NR5A2: variants seen among roughly 807,000 people sequenced by gnomAD.
NR5A2 encodes the protein nuclear receptor subfamily 5 group A member 2, also known as CYP7A promoter-binding factor.
A neutral mutation model predicts 62.7 loss-of-function variants in NR5A2; 26 were observed. That is an observed-to-expected ratio of 0.41 (90% CI 0.30 to 0.58). The LOEUF is 0.58. NR5A2 is among the 20% of genes least tolerant of loss of function. The probability of loss-of-function intolerance (pLI) is 0.22; values close to 1 mark genes in which losing one functional copy is unlikely to be tolerated. For missense variants in NR5A2, 541 were observed against 669.1 expected, an observed-to-expected ratio of 0.81 and a Z score of 2.11; for synonymous variants, 246 against 241.7, an observed-to-expected ratio of 1.02 and a Z score of -0.16.
At chr1:200,161,832 G>T (rs1032579654) in intron 7 of NR5A2, among the ~76,000 whole-genome samples, 1 of 152,148 alleles carries the variant, frequency 6.6e-6, no homozygotes. Flanking sequence ...GTATTCATGG[G>T]CACTGAATAC....
chr1:200,145,468 TTG>T (rs66885184), intron 7 of NR5A2, among the ~76,000 whole-genome samples: 14,970 of 141,868 alleles, frequency 0.11, 758 homozygotes, highest in Middle Eastern at 0.16. Context: ...TTGATAGAAT[TTG>T]TGTGTGTGTG....
At chr1:200,133,411 T>C (rs899407551) in intron 7 of NR5A2, among the ~76,000 whole-genome samples, 1 of 151,792 alleles carries the variant, frequency 6.6e-6, no homozygotes, top group African/African-American at 2.4e-5. Flanking sequence ...TGGGCAATTC[T>C]GCCTAATCCC....
Position 200,147,578 on chromosome 1 carries a change from C to G in NR5A2, c.1379-26385C>G. On this transcript the variant is annotated intron_variant, in intron 7 of 7. Transcript: ENST00000367362. This position sits in a 1 kb window ranked among gnomAD's most constrained non-coding sequence, Gnocchi z 4.9. Reference sequence around the variant, plus strand: ...ATTGGTGTGCTTAAAGCGATCTCCTCTACACGAACGCTAGGGCAGAGCACA... The same window carrying G: ...ATTGGTGTGCTTAAAGCGATCTCCTGTACACGAACGCTAGGGCAGAGCACA... 1.4e-6 allele frequency: 1 copy of G among 710,642 alleles called. No individual in the cohort carries two copies. The highest frequency in any genetic ancestry group is 2.6e-6 in the Non-Finnish European group (1 of 382,142). The allele number at this position is 710,642 out of a possible 1,614,324, so 44.0% of individuals were successfully genotyped here. A position where few individuals can be genotyped will look rare whatever the true frequency, so the allele number is the denominator to read the frequency against.
chr1:200,091,577 C>A (rs1357314829), intron 5 of NR5A2, among the ~76,000 whole-genome samples: 2 of 151,606 alleles, frequency 1.3e-5, no homozygotes, highest in African/African-American at 4.9e-5. Context: ...CTCTACCTCC[C>A]AGGTTCAAGC....
intron 7 of NR5A2, among the ~76,000 whole-genome samples, chr1:200,162,502 T>C (rs1653686118): frequency 6.6e-6 from 1 of 152,110 alleles, no homozygotes; most frequent in Admixed American, 6.5e-5. Context: ...GGGGTGCCAT[T>C]GAATGATTTT....
intron 5 of NR5A2, among the ~76,000 whole-genome samples, chr1:200,097,539 T>A (rs960037562): frequency 3.3e-5 from 5 of 152,264 alleles, no homozygotes; most frequent in Non-Finnish European, 7.3e-5. Flanking sequence ...TCAGGATGGC[T>A]GTGCTATGCA....
chr1:200,090,693 C>T (rs1338096323), intron 5 of NR5A2, among the ~76,000 whole-genome samples: 1 of 152,096 alleles, frequency 6.6e-6, no homozygotes, highest in Non-Finnish European at 1.5e-5. Flanking sequence ...GAACAAAAAC[C>T]CTTCTCAGTG....
intron 5 of NR5A2, among the ~76,000 whole-genome samples, chr1:200,050,210 T>C (rs1048152553): frequency 6.6e-6 from 1 of 152,198 alleles, no homozygotes; most frequent in Non-Finnish European, 1.5e-5. Context: ...AAACAAACCA[T>C]GCAAACACTT....
intron 5 of NR5A2, among the ~76,000 whole-genome samples, 173 bp from the exon 6 acceptor site, chr1:200,111,029 T>C (rs1665916101): frequency 6.6e-6 from 1 of 152,146 alleles, no homozygotes; most frequent in African/African-American, 2.4e-5. Context: ...AAATCCTGAT[T>C]TTCAGGAGCA....
At chr1:200,131,922 C>G (rs1214629544) in intron 7 of NR5A2, among the ~76,000 whole-genome samples, 2 of 152,162 alleles carry the variant, frequency 1.3e-5, no homozygotes, top group Non-Finnish European at 2.9e-5. Flanking sequence ...TACAAGGCCT[C>G]TCATCAGTAT....
intron 7 of NR5A2, among the ~76,000 whole-genome samples, chr1:200,167,046 C>T (rs984599171): frequency 1.3e-5 from 2 of 152,144 alleles, no homozygotes; most frequent in African/African-American, 4.8e-5. Flanking sequence ...TATCCTGAAT[C>T]CCACTCCTAG....
intron 5 of NR5A2, among the ~76,000 whole-genome samples, chr1:200,051,561 GGTC>G (rs1200264920): frequency 6.6e-6 from 1 of 152,180 alleles, no homozygotes; most frequent in African/African-American, 2.4e-5. Flanking sequence ...CAAACGTGAG[GGTC>G]GTCTACAAGG....
At chr1:200,097,246 A>G (rs898404654) in intron 5 of NR5A2, among the ~76,000 whole-genome samples, 1 of 150,004 alleles carries the variant, frequency 6.7e-6, no homozygotes, top group Non-Finnish European at 1.5e-5. Flanking sequence ...CTTTGTCAGA[A>G]TATTATTTCT....
intron 4 of NR5A2, among the ~76,000 whole-genome samples, chr1:200,047,494 TG>T (rs951996641): frequency 6.6e-6 from 1 of 152,266 alleles, no homozygotes; most frequent in Non-Finnish European, 1.5e-5. Context: ...CAAAGCAGTT[TG>T]GGTTTCCATA....
chr1:200,070,750 GC>G (rs1663704283), intron 5 of NR5A2, among the ~76,000 whole-genome samples: 1 of 121,362 alleles, frequency 8.2e-6, no homozygotes, highest in African/African-American at 3.2e-5. Context: ...CAACCCCCCA[GC>G]CCCATCCCCC....
At chr1:200,105,916 C>T (rs546491690) in intron 5 of NR5A2, among the ~76,000 whole-genome samples, 7 of 152,036 alleles carry the variant, frequency 4.6e-5, no homozygotes, top group South Asian at 2.1e-4. Context: ...TAAAAAGCCT[C>T]TGCAATAAGG....
intron 7 of NR5A2, among the ~76,000 whole-genome samples, chr1:200,132,195 A>T (rs1666995310): frequency 6.6e-6 from 1 of 152,184 alleles, no homozygotes; most frequent in Non-Finnish European, 1.5e-5. Context: ...TTTTTAGTAG[A>T]GACGGGATTT....
intron 7 of NR5A2, among the ~76,000 whole-genome samples, chr1:200,124,453 G>A (rs1666613385): frequency 6.6e-6 from 1 of 152,178 alleles, no homozygotes; most frequent in African/African-American, 2.4e-5. Context: ...GTATCCATGA[G>A]CAGACATCAG....
At chr1:200,046,153 A>AAT in intron 4 of NR5A2, among the ~76,000 whole-genome samples, 1 of 152,302 alleles carries the variant, frequency 6.6e-6, no homozygotes, top group East Asian at 1.9e-4. Context: ...GAGGCTGCAA[A>AAT]ATAAAAAATT....
Sources: allele counts gnomAD v4.1 joint callset (sites outside exome capture counted in the v4.1 genomes callset), GRCh38; gene constraint gnomAD v4.1.1; non-coding constraint Gnocchi (gnomAD v3.1); transcripts MANE v1.5; gene names NCBI Gene and HGNC (gene_info 2026-07-23, HGNC 2026-07-21).